Variants in SLC47A2 observed in about 807,000 individuals in gnomAD.
The protein encoded by SLC47A2 is multidrug and toxin extrusion protein 2.
A neutral mutation model predicts 67.7 loss-of-function variants in SLC47A2; 52 were observed. That is an observed-to-expected ratio of 0.77 (90% confidence interval 0.61 to 0.97). The LOEUF is 0.97. SLC47A2 is among the 50% of genes least tolerant of loss of function. The pLI is 0.00. For missense variants in SLC47A2, 676 were observed against 712.3 expected, an observed-to-expected ratio of 0.95 and a Z score of 0.58; for synonymous variants, 278 against 292.9, an observed-to-expected ratio of 0.95 and a Z score of 0.52.
chr17:19,686,859 A>G (rs539950926), intron 13 of SLC47A2, among the ~76,000 whole-genome samples: 31 of 152,354 alleles, frequency 2.0e-4, no homozygotes, highest in Non-Finnish European at 3.5e-4. Context: ...AGAGATTTCA[A>G]CATCCCACTT....
chr17:19,716,723 AG>A (rs1438242488), upstream of SLC47A2: 1 of 1,027,052 alleles, frequency 9.7e-7, no homozygotes, highest in African/African-American at 1.6e-5. Flanking sequence ...CCTGCCTCCT[AG>A]GGCACTGAGT....
In SLC47A2 at chr17:19,678,788, T is replaced by G. The variant is rs1224555426; in HGVS notation, c.1599A>C (p.Leu533=). The G allele has an allele frequency of 6.2e-7, 1 of 1,614,238 alleles. No homozygotes were observed. The highest frequency in any genetic ancestry group is 8.5e-7 in the Non-Finnish European group (1 of 1,180,042). The change falls in exon 17 of 17, where the codon CTA becomes CTC. Residue 533 remains leucine, a synonymous_variant. Coordinates refer to ENST00000433844, the MANE Select transcript of SLC47A2 (RefSeq NM_001099646.3). ...GGCGGATGACCAGCTGTTTCACTGA[T>G]AGTCTGCTGGTAGGAGCTGAAAGGG... ...AHALSAPTSR[L]SVKQLVIRRG... is the part of the protein sequence containing the mutation.
chr17:19,705,732 G>A (rs776908155), intron 9 of SLC47A2, among the ~76,000 whole-genome samples: 1 of 152,060 alleles, frequency 6.6e-6, no homozygotes, highest in Non-Finnish European at 1.5e-5. Context: ...CCAAGTAGCT[G>A]GGACTACAGG....
intron 13 of SLC47A2, among the ~76,000 whole-genome samples, chr17:19,696,018 C>T (rs922774992): frequency 1.1e-4 from 17 of 151,482 alleles, no homozygotes; most frequent in Admixed American, 6.6e-4. Context: ...GCCACTGTGT[C>T]TGGCCAAAAG....
At chr17:19,691,357 T>A (rs1349628015) in intron 13 of SLC47A2, among the ~76,000 whole-genome samples, 1 of 152,158 alleles carries the variant, frequency 6.6e-6, no homozygotes, top group Admixed American at 6.5e-5. Flanking sequence ...TAAGTATCCA[T>A]GAACAGATGA....
intron 13 of SLC47A2, among the ~76,000 whole-genome samples, chr17:19,695,341 G>A (rs1395105713): frequency 1.3e-5 from 2 of 151,528 alleles, no homozygotes; most frequent in African/African-American, 4.9e-5. Context: ...AAACATAGTG[G>A]CTGGGTGCAT....
intron 13 of SLC47A2, among the ~76,000 whole-genome samples, chr17:19,687,888 G>A (rs949534233): frequency 6.6e-6 from 1 of 152,112 alleles, no homozygotes; most frequent in African/African-American, 2.4e-5. Context: ...CTAAGATCAA[G>A]TGTAATCATA....
At chr17:19,717,835 C>A (rs867689370), upstream of SLC47A2, 2 of 152,308 alleles carry the variant, frequency 1.3e-5, no homozygotes, top group African/African-American at 2.4e-5. Context: ...TGGATCCTCC[C>A]AGGATCACCT....
intron 13 of SLC47A2, among the ~76,000 whole-genome samples, chr17:19,694,915 C>CAAAAAAAAAAAAAAAAAAAAAAAAAA (rs34430678): frequency 8.2e-6 from 1 of 122,114 alleles, no homozygotes. Flanking sequence ...GACTCCATCT[C>CAAAAAAAAAAAAAAAAAAAAAAAAAA]AAAAAAAAAA....
At chr17:19,702,736 C>G in intron 12 of SLC47A2, 62 bp from the exon 13 acceptor site, 1 of 1,554,780 alleles carries the variant, frequency 6.4e-7, no homozygotes, top group Non-Finnish European at 8.8e-7. Flanking sequence ...ATTTATATCC[C>G]TTCTATTCCA....
intron 13 of SLC47A2, among the ~76,000 whole-genome samples, chr17:19,697,030 G>A (rs1446832271): frequency 3.9e-5 from 6 of 152,184 alleles, no homozygotes; most frequent in Non-Finnish European, 5.9e-5. Context: ...GGTGGCTCAC[G>A]CCTGTAATCC....
intron 2 of SLC47A2, 94 bp downstream of exon 2, chr17:19,715,022 C>T (rs1339678563): frequency 2.1e-6 from 3 of 1,408,432 alleles, no homozygotes; most frequent in Non-Finnish European, 3.0e-6. Flanking sequence ...GTCTTCCCAT[C>T]CCTGACCAGC....
At chr17:19,710,898 C>A (rs2086075840) in intron 5 of SLC47A2, among the ~76,000 whole-genome samples, 1 of 151,300 alleles carries the variant, frequency 6.6e-6, no homozygotes, top group South Asian at 2.1e-4. Context: ...GCAACCTCAG[C>A]GTCCTGGGTT....
chr17:19,713,800 C>T (rs138457250), intron 4 of SLC47A2, 25 bp downstream of exon 4: 2 of 1,595,500 alleles, frequency 1.3e-6, no homozygotes, highest in Non-Finnish European at 8.6e-7. Flanking sequence ...GCAAGCCCCA[C>T]CTCCCCAGCC....
intron 13 of SLC47A2, 34 bp from the exon 14 acceptor site, chr17:19,681,704 G>T (rs1264736366): frequency 6.3e-7 from 1 of 1,590,042 alleles, no homozygotes; most frequent in African/African-American, 1.3e-5. Context: ...CAAGAGTCAG[G>T]ATGATGAGAC....
chr17:19,689,958 GC>G (rs1353043939), intron 13 of SLC47A2, among the ~76,000 whole-genome samples: 7 of 152,136 alleles, frequency 4.6e-5, no homozygotes, highest in African/African-American at 1.7e-4. Flanking sequence ...ACTCAGAATA[GC>G]TAAAGCCATC....
At position 19,705,461 on chromosome 17, in the gene SLC47A2, T is replaced by C; in HGVS notation, c.884A>G (p.Tyr295Cys). The change falls in exon 10 of 17, where the codon TAC becomes TGC. Residue 295 changes from tyrosine (Y) to cysteine (C), a missense_variant. Physicochemically the swap from Tyr to Cys is radical, Grantham distance 194 (BLOSUM62 -2). Coordinates refer to ENST00000433844, the MANE Select transcript of SLC47A2 (RefSeq NM_001099646.3). ...VVDLSAQAVI[Y>C]EVATVTYMIP... ...CATGTAGGTCACAGTGGCCACCTCG[T>C]AGATGACAGCCTGGGCAGAGAGATC... 9.9e-6 allele frequency: 16 copies of C among 1,612,304 alleles called. No homozygotes were observed. The highest frequency in any genetic ancestry group is 1.4e-5 in the Non-Finnish European group (16 of 1,179,550).
At chr17:19,684,559 G>A (rs1387790966) in intron 13 of SLC47A2, among the ~76,000 whole-genome samples, 1 of 151,916 alleles carries the variant, frequency 6.6e-6, no homozygotes, top group African/African-American at 2.4e-5. Context: ...AAAAGGATAA[G>A]AATGTAAAAG....
rs964701263 is a variant in SLC47A2 at position 19,685,493 on chromosome 17, G to A, written c.1165-3823C>T. On this transcript the variant is annotated intron_variant, in intron 13 of 16. Coordinates refer to ENST00000433844, the MANE Select transcript of SLC47A2 (RefSeq NM_001099646.3). This position sits in a 1 kb window ranked among gnomAD's most constrained non-coding sequence, Gnocchi z 4.5. ...AAGTGAGGAGTGCCTCTGCCCAGTC[G>A]CCCCATCTGGGAGGTGAGGAGCGCC... Among the ~76,000 whole-genome samples, 22 of 151,368 alleles carry A rather than the reference G, an allele frequency of 1.5e-4. No individual in the cohort carries two copies. The highest frequency in any genetic ancestry group is 3.9e-4 in the African/African-American group (16 of 41,242).
Sources: allele counts gnomAD v4.1 joint callset (sites outside exome capture counted in the v4.1 genomes callset), GRCh38; gene constraint gnomAD v4.1.1; non-coding constraint Gnocchi (gnomAD v3.1); transcripts MANE v1.5; gene names NCBI Gene and HGNC (gene_info 2026-07-23, HGNC 2026-07-21).